The following MAPK11 variants were observed in gnomAD, a reference collection of about 807,000 sequenced individuals.
MAPK11 encodes mitogen-activated protein kinase 11, also known as MAP kinase 11.
MAPK11 carries 44 observed loss-of-function variants against 52.2 expected under a neutral mutation model. The observed-to-expected ratio is 0.84, with a 90% CI of 0.66 to 1.08. The LOEUF (loss-of-function observed/expected upper bound fraction) is 1.08, where lower values mean the gene tolerates loss of function less well. Among genes scored for constraint, MAPK11 ranks in the 50% least tolerant of loss-of-function variants. The probability of loss-of-function intolerance (pLI) is 0.00; values close to 1 mark genes in which losing one functional copy is unlikely to be tolerated. For synonymous variants in MAPK11, 233 were observed against 206.3 expected (o/e 1.13, Z -1.11); for missense variants, 436 against 494.7 (o/e 0.88, Z 1.13).
intron 11 of MAPK11, 47 bp from the exon 12 acceptor site, chr22:50,265,074 C>A: frequency 6.6e-7 from 1 of 1,513,714 alleles, no homozygotes; most frequent in Non-Finnish European, 9.1e-7. Context: ...CACAGCCCGG[C>A]CCCTCACCTG....
In MAPK11 at chr22:50,266,603, A is replaced by G; in HGVS notation, c.619T>C (p.Trp207Arg). The G allele has an allele frequency of 6.5e-7, 1 of 1,534,704 alleles. No individual in the cohort carries two copies. The highest frequency in any genetic ancestry group is 8.8e-7 in the Non-Finnish European group (1 of 1,142,368). Residue 207 changes from tryptophan (W) to arginine (R), a missense_variant, in exon 8 of 12, where the codon TGG (tryptophan) becomes CGG (arginine). Trp to Arg is a moderately radical substitution (Grantham distance 101). Coordinates refer to ENST00000330651, the MANE Select transcript of MAPK11 (RefSeq NM_002751.7). ...WMHYNQTVDI[W>R]SVGCIMAELL... Reference sequence around the variant, plus strand: ...TCAGCCATGATGCAGCCCACGGACCAGATATCCACTGTGCGAGGGCGAGGG... The same window carrying G: ...TCAGCCATGATGCAGCCCACGGACCGGATATCCACTGTGCGAGGGCGAGGG...
chr22:50,270,091 G>T lies in MAPK11; in HGVS notation c.116+86C>A. On this transcript the variant is annotated intron_variant, in intron 1 of 11. Transcript: ENST00000330651. The surrounding 1 kb of genome is among the most constrained non-coding windows in gnomAD (Gnocchi z 6.3). ...GAGGCAGGGCGAGGCCCCTCCCCACGCCGAGAACCTCGCGCGGGCGAGGAG... is the reference window on the plus strand; with the variant it reads ...GAGGCAGGGCGAGGCCCCTCCCCACTCCGAGAACCTCGCGCGGGCGAGGAG... The T allele has an allele frequency of 3.9e-6, 2 of 514,352 alleles. No homozygotes were observed. Among genetic ancestry groups the T allele is most frequent in the Non-Finnish European group, 5.6e-6 (2 of 358,894 alleles). The allele number at this position is 514,352 out of a possible 1,614,324, so 31.9% of individuals were successfully genotyped here. A position where few individuals can be genotyped will look rare whatever the true frequency, so the allele number is the denominator to read the frequency against.
chr22:50,267,596 G>T lies in MAPK11; in HGVS notation c.278C>A (p.Ala93Asp). The change falls in exon 3 of 12, where the codon GCC becomes GAC. Residue 93 changes from alanine to aspartate, a missense_variant. By Grantham distance (126) the Ala-to-Asp change is moderately radical (BLOSUM62 -2). Coordinates refer to ENST00000330651, the MANE Select transcript of MAPK11 (RefSeq NM_002751.7). ...TTCGCTGAAGTCCTCGATGGACGTG[G>T]CCGGCGTGAAGACGTCCAGAAGCCC... ...VIGLLDVFTP[A>D]TSIEDFSEVY... The T allele has an allele frequency of 1.3e-6, 2 of 1,544,984 alleles. No individual in the cohort carries two copies. Among genetic ancestry groups the T allele is most frequent in the Non-Finnish European group, 8.7e-7 (1 of 1,145,540 alleles).
In MAPK11 at chr22:50,267,934, G is replaced by A. The variant is rs1271351006; in HGVS notation, c.132C>T (p.Ala44=). Residue 44 remains alanine (A), a synonymous_variant, in exon 2 of 12, where the codon GCC becomes GCT. Transcript: ENST00000330651. ...AYGSVCSAYD[A]RLRQKVAVKK... ...TCACCGCCACCTTCTGGCGCAGCCGGGCGTCGTAGGCCGAACTGGAAGGCG... is the reference window on the plus strand; with the variant it reads ...TCACCGCCACCTTCTGGCGCAGCCGAGCGTCGTAGGCCGAACTGGAAGGCG... The A allele has an allele frequency of 3.8e-6, 6 of 1,573,448 alleles. No homozygotes were observed. The Admixed American group carries it at 1.1e-4, about 28-fold the overall frequency.
At chr22:50,266,745 A>G (rs867935085) in intron 7 of MAPK11, 134 bp from the exon 8 acceptor site, 2 of 988,952 alleles carry the variant, frequency 2.0e-6, no homozygotes, top group Non-Finnish European at 1.6e-6. Flanking sequence ...AGGCAGGGGG[A>G]GGTCCATAGC....
rs764017817 is a variant in MAPK11, at chr22:50,267,895, G to A, written c.171C>T (p.Arg57=). 2 of 1,588,068 alleles carry A rather than the reference G, an allele frequency of 1.3e-6. No homozygotes were observed. Among genetic ancestry groups the A allele is most frequent in the Non-Finnish European group, 1.7e-6 (2 of 1,169,798 alleles). ...RQKVAVKKLS[R]PFQSLIHARR... is the part of the protein sequence containing the mutation. Reference sequence around the variant, plus strand: ...GCGCGTGGATCAGCGACTGGAAGGGGCGCGACAGCTTCTTCACCGCCACCT... The same window carrying A: ...GCGCGTGGATCAGCGACTGGAAGGGACGCGACAGCTTCTTCACCGCCACCT... Residue 57 remains arginine, a synonymous_variant, in exon 2 of 12, where the codon CGC becomes CGT. Transcript: ENST00000330651.
rs2065251849 is a variant in MAPK11, at chr22:50,265,114, C to A, written c.1016-87G>T. 35 of 1,302,060 alleles carry A rather than the reference C, an allele frequency of 2.7e-5. No individual in the cohort carries two copies. In the South Asian group the frequency reaches 3.8e-4, roughly 14 times the overall value. 80.7% of individuals were successfully genotyped at this position (1,302,060 alleles called of 1,614,324 possible). On this transcript the variant is annotated intron_variant, in intron 11 of 11. Transcript: ENST00000330651. ...TCTGGCACCTGCCACCCAGCCCAGGCCCACCACCCTGTGACAGCAGCCTCA... is the reference window on the plus strand; with the variant it reads ...TCTGGCACCTGCCACCCAGCCCAGGACCACCACCCTGTGACAGCAGCCTCA...
chr22:50,270,326 CCCCGCGCCCCGCG>C lies in MAPK11; in HGVS notation c.-47_-35del, dbSNP rs2065299407. 5 of 905,730 alleles carry C rather than the reference CCCCGCGCCCCGCG, an allele frequency of 5.5e-6. No individual in the cohort carries two copies. The highest frequency in any genetic ancestry group is 1.1e-4 in the Admixed American group (2 of 18,980). The allele number at this position is 905,730 out of a possible 1,614,324, so 56.1% of individuals were successfully genotyped here. On this transcript the variant is annotated 5_prime_UTR_variant, in exon 1 of 12. Coordinates refer to ENST00000330651, the MANE Select transcript of MAPK11 (RefSeq NM_002751.7). The surrounding 1 kb of genome is among the most constrained non-coding windows in gnomAD (Gnocchi z 6.3). The stretch of plus-strand genomic sequence containing the variant: ...CAGCCGCCGCTCCGCCCGGGCCCAG[CCCCGCGCCCCGCG>C]CCCGCGCCCGAGCCGAGCCCGAGCC...
chr22:50,264,418 T>C lies in MAPK11; in HGVS notation c.*530A>G, dbSNP rs1007251269. 6.5e-6 allele frequency: 1 copy of C among 153,802 alleles called. No individual in the cohort carries two copies. Among genetic ancestry groups the C allele is most frequent in the African/African-American group, 2.4e-5 (1 of 41,462 alleles). 9.5% of individuals were successfully genotyped at this position (153,802 alleles called of 1,614,324 possible). A position where few individuals can be genotyped will look rare whatever the true frequency, so the allele number is the denominator to read the frequency against. ...TGGTGGTTGTCCCTGCCCAGCCTGG[T>C]GGCACACTGGCTCTGCCTCTCCTCT... On this transcript the variant is annotated 3_prime_UTR_variant, in exon 12 of 12. Coordinates refer to ENST00000330651, the MANE Select transcript of MAPK11 (RefSeq NM_002751.7).
chr22:50,267,056 G>A lies in MAPK11; in HGVS notation c.496-8C>T, dbSNP rs777069815. On this transcript the variant is annotated splice_region_variant and splice_polypyrimidine_tract_variant and intron_variant, in intron 6 of 11. Transcript: ENST00000330651. ...CAGCCCAAAATCCAGGATCTGGGGC[G>A]ACCACGTGGTGTTCTCAAGCTCCGC... 7 of 1,611,400 alleles carry A rather than the reference G, an allele frequency of 4.3e-6. No individual in the cohort carries two copies. The highest frequency in any genetic ancestry group is 1.7e-5 in the Admixed American group (1 of 59,958).
chr22:50,265,758 C>G (rs1267297860), intron 9 of MAPK11, 98 bp from the exon 10 acceptor site: 2 of 737,428 alleles, frequency 2.7e-6, no homozygotes, highest in African/African-American at 1.8e-5. Context: ...CTCATTCACT[C>G]CAACAGGCCA....
chr22:50,269,236 T>C (rs2065289334), intron 1 of MAPK11, among the ~76,000 whole-genome samples: 1 of 152,144 alleles, frequency 6.6e-6, no homozygotes, highest in Non-Finnish European at 1.5e-5. Context: ...CAGCTTCTGA[T>C]GGAAGGCTAG....
rs199613364 is a variant in MAPK11, at chr22:50,266,246, C to T, written c.742G>A (p.Ala248Thr). The T allele has an allele frequency of 3.7e-6, 6 of 1,600,186 alleles. No individual in the cohort carries two copies. Among genetic ancestry groups the T allele is most frequent in the Non-Finnish European group, 4.3e-6 (5 of 1,173,014 alleles). Residue 248 changes from alanine to threonine, a missense_variant, in exon 9 of 12, where the codon GCA becomes ACA. Transcript: ENST00000330651. Reference sequence around the variant, plus strand: ...CTCACGTGTTCTGAGGAGATTTTTGCCAGAACCTCAGGGCTGGGTGTGCCC... The same window carrying T: ...CTCACGTGTTCTGAGGAGATTTTTGTCAGAACCTCAGGGCTGGGTGTGCCC... ...VVGTPSPEVL[A>T]KISSEHARTY...
rs1046160036 is a variant in MAPK11 at position 50,264,699 on chromosome 22, G to C, written c.*249C>G. 4.3e-6 allele frequency: 2 copies of C among 462,722 alleles called. No homozygotes were observed. Among genetic ancestry groups the C allele is most frequent in the African/African-American group, 3.9e-5 (2 of 50,914 alleles). The allele number at this position is 462,722 out of a possible 1,614,324, so 28.7% of individuals were successfully genotyped here. On this transcript the variant is annotated 3_prime_UTR_variant, in exon 12 of 12. Transcript: ENST00000330651. The stretch of plus-strand genomic sequence containing the variant: ...GTCCCAGTGGAGAGTGCAGTAGCCA[G>C]AAGAGGACAGGAGGACCAAGGTAGG...
Position 50,267,914 on chromosome 22 carries a change from G to T in MAPK11, c.152C>A (p.Ala51Glu). ...AYDARLRQKV[A>E]VKKLSRPFQS... ...GAAGGGGCGCGACAGCTTCTTCACC[G>T]CCACCTTCTGGCGCAGCCGGGCGTC... Residue 51 changes from alanine to glutamate, a missense_variant, in exon 2 of 12, where the codon GCG becomes GAG. Ala to Glu is a moderately radical substitution (Grantham distance 107). Coordinates refer to ENST00000330651, the MANE Select transcript of MAPK11 (RefSeq NM_002751.7). 1.3e-6 allele frequency: 2 copies of T among 1,583,642 alleles called. No homozygotes were observed. The highest frequency in any genetic ancestry group is 1.7e-6 in the Non-Finnish European group (2 of 1,167,652).
intron 1 of MAPK11, among the ~76,000 whole-genome samples, chr22:50,268,857 G>A (rs1192685288): frequency 6.6e-6 from 1 of 152,192 alleles, no homozygotes; most frequent in African/African-American, 2.4e-5. Flanking sequence ...GAGGTGCCTG[G>A]GGCAGCCATG....
Position 50,270,285 on chromosome 22 carries a change from C to A in MAPK11, c.8G>T (p.Gly3Val). ...CTGCCGGTAGAAGCCGGCGCGAGGG[C>A]CCGACATGTCCGGAGCAGCCGCCGC... MS[G>V]PRAGFYRQEL... The change falls in exon 1 of 12, where the codon GGC (glycine) becomes GTC (valine). Residue 3 changes from glycine to valine, a missense_variant. By Grantham distance (109) the Gly-to-Val change is moderately radical (BLOSUM62 -3). Coordinates refer to ENST00000330651, the MANE Select transcript of MAPK11 (RefSeq NM_002751.7). The surrounding 1 kb of genome is among the most constrained non-coding windows in gnomAD (Gnocchi z 6.3). 1 of 1,380,700 alleles carries A rather than the reference C, an allele frequency of 7.2e-7. No individual in the cohort carries two copies. The allele number at this position is 1,380,700 out of a possible 1,614,324, so 85.5% of individuals were successfully genotyped here. A position where few individuals can be genotyped will look rare whatever the true frequency, so the allele number is the denominator to read the frequency against.
chr22:50,266,977 C>T lies in MAPK11; in HGVS notation c.567G>A (p.Arg189=), dbSNP rs1425976246. The T allele has an allele frequency of 3.7e-6, 6 of 1,612,074 alleles. No homozygotes were observed. Among genetic ancestry groups the T allele is most frequent in the South Asian group, 3.3e-5 (3 of 91,094 alleles). ...TCCAGTTGAGCATGATCTCAGGTGCCCGGTACCAGCGCGTGGCCACATAGC... is the reference window on the plus strand; with the variant it reads ...TCCAGTTGAGCATGATCTCAGGTGCTCGGTACCAGCGCGTGGCCACATAGC... ...MTGYVATRWY[R]APEIMLNWMH... Residue 189 remains arginine (R), a synonymous_variant, in exon 7 of 12, where the codon CGG becomes CGA. Transcript: ENST00000330651.
In MAPK11 at chr22:50,267,893, G is replaced by T; in HGVS notation, c.173C>A (p.Pro58His). 6.3e-7 allele frequency: 1 copy of T among 1,588,190 alleles called. No homozygotes were observed. Among genetic ancestry groups the T allele is most frequent in the East Asian group, 2.4e-5 (1 of 42,224 alleles). Residue 58 changes from proline to histidine, a missense_variant, in exon 2 of 12, where the codon CCC becomes CAC. Coordinates refer to ENST00000330651, the MANE Select transcript of MAPK11 (RefSeq NM_002751.7). The stretch of plus-strand genomic sequence containing the variant: ...GCGCGCGTGGATCAGCGACTGGAAG[G>T]GGCGCGACAGCTTCTTCACCGCCAC... Reference protein sequence around the residue: ...QKVAVKKLSRPFQSLIHARRT... With the variant: ...QKVAVKKLSRHFQSLIHARRT...
Sources: gnomAD v4.1 joint callset for allele counts (sites outside exome capture counted in the v4.1 genomes callset) on GRCh38, gnomAD v4.1.1 for gene constraint, Gnocchi (gnomAD v3.1) non-coding constraint, MANE v1.5 for transcripts, NCBI Gene and HGNC (gene_info 2026-07-23, HGNC 2026-07-21) for gene names.